Variants in CNTNAP2 observed in about 807,000 individuals in gnomAD.
CNTNAP2 encodes contactin-associated protein-like 2.
A neutral mutation model predicts 155.2 loss-of-function variants in CNTNAP2; 98 were observed. That is an observed-to-expected ratio of 0.63 (90% CI 0.54 to 0.75). CNTNAP2 has a LOEUF of 0.75. Among genes scored for constraint, CNTNAP2 ranks in the 30% least tolerant of loss-of-function variants. The pLI is 0.00. For synonymous variants in CNTNAP2, 651 were observed against 631.2 expected (o/e 1.03, Z -0.47); for missense variants, 1,727 against 1,688.1 (o/e 1.02, Z -0.40).
chr7:148,178,233 A>T (rs1485051624), intron 18 of CNTNAP2, among the ~76,000 whole-genome samples: 3 of 152,204 alleles, frequency 2.0e-5, no homozygotes, highest in Non-Finnish European at 4.4e-5. Flanking sequence ...TAACTATAAA[A>T]ATGTTCATGT....
At chr7:147,968,537 G>A (rs1051843682) in intron 14 of CNTNAP2, among the ~76,000 whole-genome samples, 3 of 152,192 alleles carry the variant, frequency 2.0e-5, no homozygotes, top group African/African-American at 7.2e-5. Flanking sequence ...AGGCAAGAGT[G>A]AGGAGGGGTG....
intron 3 of CNTNAP2, among the ~76,000 whole-genome samples, chr7:146,879,176 T>A (rs1287082976): frequency 2.6e-5 from 4 of 152,188 alleles, no homozygotes; most frequent in Admixed American, 6.6e-5. Context: ...CATTTTCCCA[T>A]CACTGCATAC....
At chr7:148,076,056 T>C (rs1239765331) in intron 15 of CNTNAP2, among the ~76,000 whole-genome samples, 2 of 152,184 alleles carry the variant, frequency 1.3e-5, no homozygotes, top group African/African-American at 4.8e-5. Flanking sequence ...TGAATATAAA[T>C]GATAAATCAC....
At chr7:147,924,893 G>T (rs62471062) in intron 14 of CNTNAP2, among the ~76,000 whole-genome samples, 1 of 151,702 alleles carries the variant, frequency 6.6e-6, no homozygotes, top group Non-Finnish European at 1.5e-5. Flanking sequence ...CTAGGCGGGC[G>T]GATCATGAGG....
intron 14 of CNTNAP2, among the ~76,000 whole-genome samples, chr7:147,973,375 A>G (rs1055131968): frequency 7.3e-5 from 11 of 151,544 alleles, no homozygotes; most frequent in African/African-American, 2.7e-4. Flanking sequence ...TCTTTATACT[A>G]TTTTCTCCTT....
intron 13 of CNTNAP2, among the ~76,000 whole-genome samples, chr7:147,674,199 T>A (rs918603487): frequency 1.3e-5 from 2 of 152,196 alleles, no homozygotes; most frequent in Non-Finnish European, 2.9e-5. Context: ...ACAGACAATA[T>A]ACAAGAAAAG....
At chr7:147,216,822 T>C (rs760539634) in intron 8 of CNTNAP2, among the ~76,000 whole-genome samples, 32 of 152,060 alleles carry the variant, frequency 2.1e-4, no homozygotes, top group Admixed American at 4.6e-4. Context: ...ACATACATTA[T>C]CTATCCATCT....
intron 1 of CNTNAP2, among the ~76,000 whole-genome samples, chr7:146,649,001 T>A (rs1799862075): frequency 6.6e-6 from 1 of 151,860 alleles, no homozygotes; most frequent in Non-Finnish European, 1.5e-5. Flanking sequence ...CAGAAAAAAA[T>A]TTTAAAAAGC....
chr7:147,286,610 G>C (rs1381647903), intron 8 of CNTNAP2, among the ~76,000 whole-genome samples: 1 of 152,098 alleles, frequency 6.6e-6, no homozygotes, highest in Non-Finnish European at 1.5e-5. Flanking sequence ...CCAGGGTTCT[G>C]AACCTGAGAG....
intron 1 of CNTNAP2, among the ~76,000 whole-genome samples, chr7:146,744,395 G>T (rs1227984715): frequency 6.6e-6 from 1 of 152,080 alleles, no homozygotes; most frequent in Non-Finnish European, 1.5e-5. Flanking sequence ...CTATTCTTAT[G>T]CTGATTATTC....
At chr7:146,465,189 G>A (rs929841341) in intron 1 of CNTNAP2, among the ~76,000 whole-genome samples, 1 of 152,076 alleles carries the variant, frequency 6.6e-6, no homozygotes, top group Admixed American at 6.6e-5. Context: ...AGTGCAAGAT[G>A]TTGCAGTCTT....
chr7:146,646,114 T>C (rs2129162559), intron 1 of CNTNAP2, among the ~76,000 whole-genome samples: 1 of 152,324 alleles, frequency 6.6e-6, no homozygotes, highest in Middle Eastern at 3.4e-3. Flanking sequence ...TGCTTTGCCA[T>C]GGTTAAGTAA....
At chr7:147,714,520 T>G (rs1252054266) in intron 13 of CNTNAP2, among the ~76,000 whole-genome samples, 1 of 151,930 alleles carries the variant, frequency 6.6e-6, no homozygotes, top group East Asian at 1.9e-4. Flanking sequence ...GTTAGAGGGA[T>G]GAAGAGAGTG....
intron 21 of CNTNAP2, among the ~76,000 whole-genome samples, chr7:148,333,601 A>T (rs1300089028): frequency 1.3e-5 from 2 of 152,210 alleles, no homozygotes; most frequent in Non-Finnish European, 2.9e-5. Context: ...ACACAGTATC[A>T]GCTACATTGG....
intron 4 of CNTNAP2, among the ~76,000 whole-genome samples, chr7:147,060,645 C>T (rs1235887415): frequency 6.6e-6 from 1 of 151,958 alleles, no homozygotes; most frequent in African/African-American, 2.4e-5. Context: ...GGGCGGATCA[C>T]GAGGTCAGGA....
At chr7:146,461,895 T>C (rs73462751) in intron 1 of CNTNAP2, among the ~76,000 whole-genome samples, 4,174 of 152,316 alleles carry the variant, frequency 0.027, 140 homozygotes, top group African/African-American at 0.074. Context: ...AAACTGTCAC[T>C]GCTAAAAATG....
At chr7:147,533,109 G>T (rs1799471667) in intron 11 of CNTNAP2, among the ~76,000 whole-genome samples, 1 of 152,220 alleles carries the variant, frequency 6.6e-6, no homozygotes, top group Non-Finnish European at 1.5e-5. Flanking sequence ...TGATGTGTAA[G>T]AGAACACATA....
chr7:148,370,958 C>CATGG (rs1798876485), intron 21 of CNTNAP2, among the ~76,000 whole-genome samples: 1 of 152,280 alleles, frequency 6.6e-6, no homozygotes, highest in Admixed American at 6.5e-5. Context: ...CCGTCTCAAG[C>CATGG]ATGGTGCCAT....
chr7:147,068,433 C>T (rs1016731104), intron 4 of CNTNAP2, among the ~76,000 whole-genome samples: 4 of 152,206 alleles, frequency 2.6e-5, no homozygotes, highest in Admixed American at 2.0e-4. Context: ...TCTCAGCTCA[C>T]TGCAACCTCC....
Sources: allele counts gnomAD v4.1 joint callset (sites outside exome capture counted in the v4.1 genomes callset), GRCh38; gene constraint gnomAD v4.1.1; transcripts MANE v1.5; gene names NCBI Gene and HGNC (gene_info 2026-07-23, HGNC 2026-07-21).